GPRIN2: variants seen among roughly 807,000 people sequenced by gnomAD.
The protein encoded by GPRIN2 is G protein regulated inducer of neurite outgrowth 2.
Under a neutral mutation model 0.3 loss-of-function variants are expected in GPRIN2, and 1 was observed. The observed-to-expected ratio is 3.90, with a 90% CI of 1.39 to 18.51. GPRIN2 has a LOEUF of 18.51. Ranked by LOEUF, GPRIN2 falls within the 30% of genes most tolerant of loss-of-function variation. The pLI is 0.11. For missense variants in GPRIN2, 880 were observed against 604.2 expected (o/e 1.46, Z -4.79); for synonymous variants, 361 against 258.6 (o/e 1.40, Z -3.80).
At chr10:46,555,099 C>T (rs1831944769) in intron 1 of GPRIN2, among the ~76,000 whole-genome samples, 30 of 152,412 alleles carry the variant, frequency 2.0e-4, no homozygotes, top group Non-Finnish European at 3.8e-4. Context: ...GCGTGCACCT[C>T]GGCGCCCAGC....
At chr10:46,553,033 C>G (rs1390533833) in intron 2 of GPRIN2, among the ~76,000 whole-genome samples, 1 of 152,312 alleles carries the variant, frequency 6.6e-6, no homozygotes, top group Non-Finnish European at 1.5e-5. Context: ...CAGACACGTG[C>G]CACATCCTTT....
rs1279094236 is a variant in GPRIN2 at position 46,545,741 on chromosome 10, T to C, written c.*3619A>G. On this transcript the variant is annotated 3_prime_UTR_variant, in exon 3 of 3. Coordinates refer to ENST00000374314, the MANE Select transcript of GPRIN2 (RefSeq NM_001385282.1). ...CCCCTGAATGTGGCTATGAGAGGGGTGCCCAACACTACCAGCCTGTGTGCT... is the reference window on the plus strand; with the variant it reads ...CCCCTGAATGTGGCTATGAGAGGGGCGCCCAACACTACCAGCCTGTGTGCT... Among the ~76,000 whole-genome samples the C allele has an allele frequency of 6.6e-6, 1 of 152,306 alleles. No homozygotes were observed.
At chr10:46,556,462 C>A (rs1843243429) in intron 1 of GPRIN2, among the ~76,000 whole-genome samples, 36 bp downstream of exon 1, 2 of 152,282 alleles carry the variant, frequency 1.3e-5, no homozygotes, top group South Asian at 2.1e-4. Flanking sequence ...ACCACGCCCC[C>A]CGCCCCAACG....
Position 46,550,151 on chromosome 10 carries a change from C to T in GPRIN2, c.586G>A (p.Val196Met). Residue 196 changes from valine (V) to methionine (M), a missense_variant, in exon 3 of 3, where the codon GTG becomes ATG. Val to Met is a conservative substitution (Grantham distance 21). Coordinates refer to ENST00000374314, the MANE Select transcript of GPRIN2 (RefSeq NM_001385282.1). The stretch of plus-strand genomic sequence containing the variant: ...GTGTCCCCCAGGTCTAGTGGTGGCA[C>T]TGACAACTGACTCGCCCCCAGCATC... Reference protein sequence around the residue: ...AWMLGASQLSVPPLDLGDTTA... With the variant: ...AWMLGASQLSMPPLDLGDTTA... The T allele has an allele frequency of 1.2e-6, 2 of 1,602,370 alleles. No homozygotes were observed. Among genetic ancestry groups the T allele is most frequent in the South Asian group, 1.1e-5 (1 of 89,688 alleles).
In GPRIN2 at chr10:46,543,450, G is replaced by A. The variant is rs1020645302; in HGVS notation, c.*5910C>T. Among the ~76,000 whole-genome samples the A allele has an allele frequency of 2.0e-5, 3 of 152,312 alleles. No homozygotes were observed. The highest frequency in any genetic ancestry group is 4.4e-5 in the Non-Finnish European group (3 of 68,058). On this transcript the variant is annotated 3_prime_UTR_variant, in exon 3 of 3. Coordinates refer to ENST00000374314, the MANE Select transcript of GPRIN2 (RefSeq NM_001385282.1). ...GGATGGGGATGACAGAGCACCCAGG[G>A]CAGCGGGTGCAGGACCAGCAGAGGT... is the stretch of plus-strand genomic sequence containing the variant.
chr10:46,546,895 A>T lies in GPRIN2; in HGVS notation c.*2465T>A, dbSNP rs1832876567. Reference sequence around the variant, plus strand: ...TCTGCAAATACTCATCTCAGTGACGATGAGGTGAGTGGGAGCTTGGCTGAG... The same window carrying T: ...TCTGCAAATACTCATCTCAGTGACGTTGAGGTGAGTGGGAGCTTGGCTGAG... On this transcript the variant is annotated 3_prime_UTR_variant, in exon 3 of 3. Transcript: ENST00000374314. Among the ~76,000 whole-genome samples, 6 of 152,330 alleles carry T rather than the reference A, an allele frequency of 3.9e-5. No individual in the cohort carries two copies. The highest frequency in any genetic ancestry group is 1.4e-4 in the African/African-American group (6 of 41,590).
Position 46,550,406 on chromosome 10 carries a change from C to A in GPRIN2, c.331G>T (p.Ala111Ser). The change falls in exon 3 of 3, where the codon GCC becomes TCC. Residue 111 changes from alanine (A) to serine (S), a missense_variant. Physicochemically the swap from Ala to Ser is moderately conservative, Grantham distance 99. Coordinates refer to ENST00000374314, the MANE Select transcript of GPRIN2 (RefSeq NM_001385282.1). ...CTCTGCATAGCAGCAGCACTAGGGG[C>A]CCGCAGGCGACACAGGTCACTGCCG... ...MGGSDLCRLR[A>S]PSAAAMQRSH... The A allele has an allele frequency of 6.2e-7, 1 of 1,611,792 alleles. No individual in the cohort carries two copies. Among genetic ancestry groups the A allele is most frequent in the Middle Eastern group, 1.6e-4 (1 of 6,062 alleles).
chr10:46,550,038 A>G lies in GPRIN2; in HGVS notation c.699T>C (p.Ala233=). ...TCACCTCCCTCATGCCACAGAGTAG[A>G]GCAGCTGGGGGCAGAGCATGGCAGG... ...TTTCHALPPA[A]LLCGMREVRA... is the part of the protein sequence containing the mutation. The change falls in exon 3 of 3, where the codon GCT becomes GCC. Residue 233 remains alanine (A), a synonymous_variant. Coordinates refer to ENST00000374314, the MANE Select transcript of GPRIN2 (RefSeq NM_001385282.1). 1 of 1,613,954 alleles carries G rather than the reference A, an allele frequency of 6.2e-7. No homozygotes were observed. Among genetic ancestry groups the G allele is most frequent in the Non-Finnish European group, 8.5e-7 (1 of 1,179,908 alleles).
rs1832523859 is a variant in GPRIN2, at chr10:46,549,996, G to A, written c.741C>T (p.Cys247=). ...GMREVRAGGC[C]HALPATGILA... ...GGATCCCTGTGGCAGGTAGGGCATG[G>A]CAGCAGCCACCAGCCCTCACCTCCC... The change falls in exon 3 of 3, where the codon TGC becomes TGT. Residue 247 remains cysteine, a synonymous_variant. Transcript: ENST00000374314. 1.1e-5 allele frequency: 18 copies of A among 1,602,456 alleles called. No individual in the cohort carries two copies. Among genetic ancestry groups the A allele is most frequent in the Non-Finnish European group, 1.4e-5 (16 of 1,170,566 alleles).
chr10:46,548,964 G>A lies in GPRIN2; in HGVS notation c.*396C>T, dbSNP rs1832774083. ...TCACTGGGGCCTCACATTTCATGTC[G>A]AGAATTCACTATTTCTCAGCACTGA... On this transcript the variant is annotated 3_prime_UTR_variant, in exon 3 of 3. Coordinates refer to ENST00000374314, the MANE Select transcript of GPRIN2 (RefSeq NM_001385282.1). 3.3e-5 allele frequency: 8 copies of A among 244,608 alleles called. No homozygotes were observed. The highest frequency in any genetic ancestry group is 6.7e-5 in the African/African-American group (3 of 44,556). The allele number at this position is 244,608 out of a possible 1,614,324, so 15.2% of individuals were successfully genotyped here.
chr10:46,547,260 T>C lies in GPRIN2; in HGVS notation c.*2100A>G, dbSNP rs1842246146. Among the ~76,000 whole-genome samples, 1 of 152,308 alleles carries C rather than the reference T, an allele frequency of 6.6e-6. No individual in the cohort carries two copies. Among genetic ancestry groups the C allele is most frequent in the African/African-American group, 2.4e-5 (1 of 41,488 alleles). ...ATGAACCCAGCCCCCAGCTGCCCAC[T>C]CCATTGCCCCTAAACAGGCCCCTCC... On this transcript the variant is annotated 3_prime_UTR_variant, in exon 3 of 3. Transcript: ENST00000374314.
intron 2 of GPRIN2, among the ~76,000 whole-genome samples, chr10:46,553,264 T>C (rs1842817114): frequency 6.6e-6 from 1 of 152,310 alleles, no homozygotes; most frequent in African/African-American, 2.4e-5. Flanking sequence ...CCAATCGTGC[T>C]CATGACATGC....
At position 46,550,145 on chromosome 10, in the gene GPRIN2, G is replaced by A. The variant is rs1832467040; in HGVS notation, c.592C>T (p.Pro198Ser). The A allele has an allele frequency of 2.9e-5, 47 of 1,603,422 alleles. No individual in the cohort carries two copies. Among genetic ancestry groups the A allele is most frequent in the Non-Finnish European group, 3.7e-5 (44 of 1,174,302 alleles). The change falls in exon 3 of 3, where the codon CCA becomes TCA. Residue 198 changes from proline to serine, a missense_variant. Transcript: ENST00000374314. ...GCAGTTGTGTCCCCCAGGTCTAGTGGTGGCACTGACAACTGACTCGCCCCC... is the reference window on the plus strand; with the variant it reads ...GCAGTTGTGTCCCCCAGGTCTAGTGATGGCACTGACAACTGACTCGCCCCC... ...MLGASQLSVP[P>S]LDLGDTTAHS...
rs1832325521 is a variant in GPRIN2 at position 46,550,559 on chromosome 10, G to A, written c.178C>T (p.Gln60Ter). Residue 60 changes from glutamine to a stop codon, truncating the protein, a stop_gained, in exon 3 of 3, where the codon CAG becomes TAG. Transcript: ENST00000374314. LOFTEE classifies it low-confidence loss of function (END_TRUNC). ...AQLGEASTRP[Q>*]APEEEGNPPE... ...GGGTTCCCCTCTTCCTCCGGGGCCTGGGGTCTGGTGCTGGCCTCGCCCAGC... is the reference window on the plus strand; with the variant it reads ...GGGTTCCCCTCTTCCTCCGGGGCCTAGGGTCTGGTGCTGGCCTCGCCCAGC... The A allele has an allele frequency of 1.0e-5, 16 of 1,587,172 alleles. No individual in the cohort carries two copies. The South Asian group carries it at 1.2e-4, about 11-fold the overall frequency.
At position 46,542,257 on chromosome 10, in the gene GPRIN2, A is replaced by G. The variant is rs1841819144; in HGVS notation, c.*7103T>C. Among the ~76,000 whole-genome samples the G allele has an allele frequency of 6.6e-6, 1 of 152,310 alleles. No homozygotes were observed. The highest frequency in any genetic ancestry group is 1.9e-4 in the East Asian group (1 of 5,208). ...CTACCCCTCCCAGGGTTCCAGCCCC[A>G]ACAGAGGCTCCCTGCTTGGGCCTTG... On this transcript the variant is annotated 3_prime_UTR_variant, in exon 3 of 3. Transcript: ENST00000374314.
chr10:46,547,603 A>G lies in GPRIN2; in HGVS notation c.*1757T>C, dbSNP rs1344171557. 2.6e-5 allele frequency among the ~76,000 whole-genome samples: 4 copies of G among 152,310 alleles called. No individual in the cohort carries two copies. Among genetic ancestry groups the G allele is most frequent in the Non-Finnish European group, 4.4e-5 (3 of 68,058 alleles). On this transcript the variant is annotated 3_prime_UTR_variant, in exon 3 of 3. Coordinates refer to ENST00000374314, the MANE Select transcript of GPRIN2 (RefSeq NM_001385282.1). ...TGCATCCTCAAGACCCTACTTAGCT[A>G]TGGCCCTGTGTGAAAGGTCCCTCCC...
Position 46,550,274 on chromosome 10 carries a change from G to T in GPRIN2, c.463C>A (p.Gln155Lys). 1.2e-6 allele frequency: 2 copies of T among 1,612,220 alleles called. No homozygotes were observed. Among genetic ancestry groups the T allele is most frequent in the Non-Finnish European group, 1.7e-6 (2 of 1,179,306 alleles). ...CCAGAAGTACCACCTGGCTGCAGCTGAGCCCTGTGGACAGGGCTGCTGCCA... is the reference window on the plus strand; with the variant it reads ...CCAGAAGTACCACCTGGCTGCAGCTTAGCCCTGTGGACAGGGCTGCTGCCA... ...ALGSSPVHRA[Q>K]LQPGGTSGQG... Residue 155 changes from glutamine (Q) to lysine (K), a missense_variant, in exon 3 of 3, where the codon CAG (glutamine) becomes AAG (lysine). By Grantham distance (53) the Gln-to-Lys change is moderately conservative. Transcript: ENST00000374314.
rs1314424120 is a variant in GPRIN2, at chr10:46,547,963, T to G, written c.*1397A>C. 9.8e-5 allele frequency among the ~76,000 whole-genome samples: 15 copies of G among 152,294 alleles called. No homozygotes were observed. Among genetic ancestry groups the G allele is most frequent in the African/African-American group, 3.6e-4 (15 of 41,472 alleles). On this transcript the variant is annotated 3_prime_UTR_variant, in exon 3 of 3. Transcript: ENST00000374314. ...ACAAATTCACCAACTGTTGCATGAGTCATTTCCACCTCAATGAGTACCAGG... is the reference window on the plus strand; with the variant it reads ...ACAAATTCACCAACTGTTGCATGAGGCATTTCCACCTCAATGAGTACCAGG...
rs1013707597 is a variant in GPRIN2 at position 46,551,368 on chromosome 10, G to T, written c.-6-626C>A. 73 of 983,676 alleles carry T rather than the reference G, an allele frequency of 7.4e-5. No homozygotes were observed. In the African/African-American group the frequency reaches 1.1e-3, roughly 14 times the overall value. The allele number at this position is 983,676 out of a possible 1,614,324, so 60.9% of individuals were successfully genotyped here. A position where few individuals can be genotyped will look rare whatever the true frequency, so the allele number is the denominator to read the frequency against. On this transcript the variant is annotated intron_variant, in intron 2 of 2. Coordinates refer to ENST00000374314, the MANE Select transcript of GPRIN2 (RefSeq NM_001385282.1). ...TCCACAACCACCCCCATCCTCCTTGGCCTAGCCTTGCTGAGCTGGCATGTC... is the reference window on the plus strand; with the variant it reads ...TCCACAACCACCCCCATCCTCCTTGTCCTAGCCTTGCTGAGCTGGCATGTC...
Sources: gnomAD v4.1 joint callset for allele counts (sites outside exome capture counted in the v4.1 genomes callset) on GRCh38, gnomAD v4.1.1 for gene constraint, MANE v1.5 for transcripts, NCBI Gene and HGNC (gene_info 2026-07-23, HGNC 2026-07-21) for gene names.